Variants in ENTPD3 observed in about 807,000 individuals in gnomAD.
ENTPD3 encodes CD39 antigen-like 3.
A neutral mutation model predicts 51.2 loss-of-function variants in ENTPD3; 60 were observed. The observed-to-expected ratio is 1.17, with a 90% CI of 0.95 to 1.45. The LOEUF (loss-of-function observed/expected upper bound fraction) is 1.45, where lower values mean the gene tolerates loss of function less well. Ranked by LOEUF, ENTPD3 falls within the 40% of genes most tolerant of loss-of-function variation. ENTPD3 has a pLI of 0.00. For missense variants in ENTPD3, 593 were observed against 641.1 expected (o/e 0.93, Z 0.81); for synonymous variants, 221 against 238.4 (o/e 0.93, Z 0.67).
intron 2 of ENTPD3, among the ~76,000 whole-genome samples, chr3:40,389,398 T>C (rs751797897): frequency 6.6e-6 from 1 of 152,212 alleles, no homozygotes; most frequent in Non-Finnish European, 1.5e-5. Flanking sequence ...GTCAACTCCA[T>C]GGCAGTTGGC....
intron 10 of ENTPD3, among the ~76,000 whole-genome samples, chr3:40,426,534 C>A (rs1462713975): frequency 1.3e-5 from 2 of 152,044 alleles, no homozygotes; most frequent in Non-Finnish European, 2.9e-5. Context: ...TATAAATGGA[C>A]TAAACCTACC....
intron 4 of ENTPD3, among the ~76,000 whole-genome samples, chr3:40,411,152 G>A (rs894697471): frequency 3.3e-5 from 5 of 151,822 alleles, no homozygotes; most frequent in South Asian, 2.1e-4. Flanking sequence ...TTAGCCAGGC[G>A]TGGTGGTGCA....
chr3:40,412,271 G>C (rs1250872897), intron 5 of ENTPD3, among the ~76,000 whole-genome samples: 1 of 152,144 alleles, frequency 6.6e-6, no homozygotes, highest in Non-Finnish European at 1.5e-5. Flanking sequence ...TAGTTGTTTT[G>C]ACAGTTGGCA....
intron 3 of ENTPD3, among the ~76,000 whole-genome samples, chr3:40,400,276 A>G (rs916831034): frequency 3.9e-5 from 6 of 152,012 alleles, no homozygotes; most frequent in Admixed American, 2.0e-4. Flanking sequence ...AAAAAAAAAA[A>G]AAAAAGAAAA....
At chr3:40,413,031 T>C (rs1955669745) in intron 5 of ENTPD3, among the ~76,000 whole-genome samples, 1 of 152,196 alleles carries the variant, frequency 6.6e-6, no homozygotes, top group African/African-American at 2.4e-5. Flanking sequence ...ACTGAAACCA[T>C]GTAATCTCAG....
rs370052901 is a variant in ENTPD3, at chr3:40,411,854, C to G, written c.329C>G (p.Pro110Arg). 12 of 1,609,672 alleles carry G rather than the reference C, an allele frequency of 7.5e-6. No homozygotes were observed. Among genetic ancestry groups the G allele is most frequent in the Middle Eastern group, 1.7e-4 (1 of 6,056 alleles). The change falls in exon 5 of 11, where the codon CCC (proline) becomes CGC (arginine). Residue 110 changes from proline to arginine, a missense_variant. Pro to Arg is a moderately radical substitution (Grantham distance 103). Coordinates refer to ENST00000301825, the MANE Select transcript of ENTPD3 (RefSeq NM_001248.4). ...SSYGNNPQDV[P>R]RAFEECMQKV... is the part of the protein sequence containing the mutation. ...TATGGAAATAACCCCCAAGATGTCC[C>G]CAGAGCCTTTGAGGAGTGTATGCAA...
At chr3:40,388,690 G>T (rs918347606) in intron 2 of ENTPD3, among the ~76,000 whole-genome samples, 1 of 151,718 alleles carries the variant, frequency 6.6e-6, no homozygotes, top group Non-Finnish European at 1.5e-5. Context: ...AGCCCAGAAG[G>T]CTCTGGCTTC....
intron 7 of ENTPD3, among the ~76,000 whole-genome samples, chr3:40,421,063 A>T (rs1955862126): frequency 6.7e-6 from 1 of 148,622 alleles, no homozygotes; most frequent in East Asian, 2.0e-4. Flanking sequence ...TTGCTTTGTC[A>T]CCCAGGCTGG....
intron 7 of ENTPD3, among the ~76,000 whole-genome samples, chr3:40,419,611 G>A (rs1205153025): frequency 6.6e-6 from 1 of 152,122 alleles, no homozygotes; most frequent in Non-Finnish European, 1.5e-5. Context: ...GCTTATTAGT[G>A]ACATCAACAA....
intron 2 of ENTPD3, among the ~76,000 whole-genome samples, chr3:40,390,101 T>C (rs1330208884): frequency 6.6e-6 from 1 of 152,234 alleles, no homozygotes; most frequent in Non-Finnish European, 1.5e-5. Context: ...TGATTAGATA[T>C]ATATTGGAAT....
At chr3:40,403,954 T>G (rs937619631) in intron 4 of ENTPD3, among the ~76,000 whole-genome samples, 23 of 152,126 alleles carry the variant, frequency 1.5e-4, no homozygotes, top group Non-Finnish European at 3.1e-4. Context: ...CAGCGGATAT[T>G]TTCTGAGTAT....
chr3:40,398,876 A>G lies in ENTPD3; in HGVS notation c.169-2018A>G, dbSNP rs115895006. ...TGAATGTATGAAAATGGTGATATCA[A>G]TCTGTTTCTACTGTCAGGAAGACAT... On this transcript the variant is annotated intron_variant, in intron 3 of 10. Coordinates refer to ENST00000301825, the MANE Select transcript of ENTPD3 (RefSeq NM_001248.4). Among the ~76,000 whole-genome samples, 1,013 of 152,262 alleles carry G rather than the reference A, an allele frequency of 6.7e-3. 9 individuals are homozygous for G. Among genetic ancestry groups the G allele is most frequent in the African/African-American group, 0.014 (573 of 41,532 alleles).
chr3:40,399,290 GTTTTC>G (rs1021284551), intron 3 of ENTPD3, among the ~76,000 whole-genome samples: 1 of 152,096 alleles, frequency 6.6e-6, no homozygotes, highest in African/African-American at 2.4e-5. Flanking sequence ...GGGATGCTTT[GTTTTC>G]TTTTCTGTTT....
chr3:40,406,425 A>G (rs1308855810), intron 4 of ENTPD3, among the ~76,000 whole-genome samples: 5 of 152,354 alleles, frequency 3.3e-5, no homozygotes, highest in South Asian at 4.1e-4. Context: ...AAGTTTCTTC[A>G]AAGTATATTG....
chr3:40,406,545 A>G (rs1205549576), intron 4 of ENTPD3, among the ~76,000 whole-genome samples: 1 of 152,242 alleles, frequency 6.6e-6, no homozygotes, highest in Admixed American at 6.5e-5. Context: ...ATTGGAAGCA[A>G]GGACACCAGT....
At chr3:40,418,135 G>A (rs1440579382) in intron 7 of ENTPD3, among the ~76,000 whole-genome samples, 2 of 152,154 alleles carry the variant, frequency 1.3e-5, no homozygotes, top group African/African-American at 2.4e-5. Context: ...ATGGAGAAGT[G>A]AGCACCCAGC....
chr3:40,399,135 C>G (rs977221799), intron 3 of ENTPD3, among the ~76,000 whole-genome samples: 1 of 152,068 alleles, frequency 6.6e-6, no homozygotes, highest in African/African-American at 2.4e-5. Context: ...GGCTGAGAAT[C>G]GATTGAGCCT....
chr3:40,411,882 A>T lies in ENTPD3; in HGVS notation c.357A>T (p.Lys119Asn). ...VPRAFEECMQ[K>N]VKGQVPSHLH... Reference sequence around the variant, plus strand: ...GAGCCTTTGAGGAGTGTATGCAAAAAGTCAAGGGGCAGGTTCCATCCCACC... The same window carrying T: ...GAGCCTTTGAGGAGTGTATGCAAAATGTCAAGGGGCAGGTTCCATCCCACC... The change falls in exon 5 of 11, where the codon AAA (lysine) becomes AAT (asparagine). Residue 119 changes from lysine to asparagine, a missense_variant. By Grantham distance (94) the Lys-to-Asn change is moderately conservative. Coordinates refer to ENST00000301825, the MANE Select transcript of ENTPD3 (RefSeq NM_001248.4). 6.2e-7 allele frequency: 1 copy of T among 1,612,830 alleles called. No homozygotes were observed. The highest frequency in any genetic ancestry group is 2.2e-5 in the East Asian group (1 of 44,838).
At chr3:40,407,618 G>A (rs1317542250) in intron 4 of ENTPD3, among the ~76,000 whole-genome samples, 6 of 152,086 alleles carry the variant, frequency 3.9e-5, no homozygotes, top group Non-Finnish European at 7.4e-5. Context: ...GAATACAGAC[G>A]ATATCCAGCC....
Sources: gnomAD v4.1 joint callset for allele counts (sites outside exome capture counted in the v4.1 genomes callset) on GRCh38, gnomAD v4.1.1 for gene constraint, MANE v1.5 for transcripts, NCBI Gene and HGNC (gene_info 2026-07-23, HGNC 2026-07-21) for gene names.